The following PTPN11 variants were observed in gnomAD, a reference collection of about 807,000 sequenced individuals.
PTPN11 encodes protein tyrosine phosphatase non-receptor type 11, also known as tyrosine-protein phosphatase non-receptor type 11.
A neutral mutation model predicts 78.8 loss-of-function variants in PTPN11; 6 were observed. The observed-to-expected ratio is 0.08, with a 90% CI of 0.04 to 0.15. The LOEUF (loss-of-function observed/expected upper bound fraction) is 0.15. Among genes scored for constraint, PTPN11 ranks in the 10% least tolerant of loss-of-function variants. The pLI, the probability that PTPN11 is intolerant of heterozygous loss-of-function variation, is 1.00. For synonymous variants in PTPN11, 221 were observed against 263.5 expected, an observed-to-expected ratio of 0.84 and a Z score of 1.56; for missense variants, 386 against 744.8, an observed-to-expected ratio of 0.52 and a Z score of 5.61.
At chr12:112,441,451 C>T (rs1162411856) in intron 1 of PTPN11, among the ~76,000 whole-genome samples, 1 of 151,430 alleles carries the variant, frequency 6.6e-6, no homozygotes, top group Admixed American at 6.6e-5. Context: ...TTTGTAGAGA[C>T]AGGGTTTTGC....
intron 13 of PTPN11, 150 bp downstream of exon 13, chr12:112,489,325 A>G (rs1329686063): frequency 2.1e-6 from 2 of 949,726 alleles, no homozygotes; most frequent in South Asian, 1.3e-5. Context: ...GCCTCTGGAA[A>G]CTGTCAATTA....
intron 10 of PTPN11, among the ~76,000 whole-genome samples, chr12:112,485,958 G>A (rs1460940597): frequency 2.0e-5 from 3 of 150,786 alleles, no homozygotes; most frequent in Non-Finnish European, 2.9e-5. Flanking sequence ...TCCAGCCTGG[G>A]CAACAGAGTA....
At chr12:112,451,126 C>A (rs954682512) in intron 3 of PTPN11, among the ~76,000 whole-genome samples, 1 of 152,174 alleles carries the variant, frequency 6.6e-6, no homozygotes. Flanking sequence ...TGTACATTCC[C>A]AATCTCCTCT....
chr12:112,446,586 C>T (rs1305543879), intron 2 of PTPN11, among the ~76,000 whole-genome samples, 188 bp downstream of exon 2: 2 of 152,124 alleles, frequency 1.3e-5, no homozygotes, highest in African/African-American at 4.8e-5. Flanking sequence ...GGCCCTTCTT[C>T]TCCCTCTGAG....
rs1242290325 is a variant in PTPN11 at position 112,507,557 on chromosome 12, A to G, written c.*1765A>G. 1.3e-5 allele frequency: 2 copies of G among 152,822 alleles called. No homozygotes were observed. Among genetic ancestry groups the G allele is most frequent in the Non-Finnish European group, 2.9e-5 (2 of 68,056 alleles). 9.5% of individuals were successfully genotyped at this position (152,822 alleles called of 1,614,324 possible). On this transcript the variant is annotated 3_prime_UTR_variant, in exon 16 of 16. Coordinates refer to ENST00000351677, the MANE Select transcript of PTPN11 (RefSeq NM_002834.5). Reference sequence around the variant, plus strand: ...TGTTCTACATTAAGTGCCTTCTCCAAAGACATCCCTCTTTGCCTCATATGT... The same window carrying G: ...TGTTCTACATTAAGTGCCTTCTCCAGAGACATCCCTCTTTGCCTCATATGT...
At chr12:112,491,058 G>T (rs2038738987) in intron 13 of PTPN11, among the ~76,000 whole-genome samples, 1 of 151,972 alleles carries the variant, frequency 6.6e-6, no homozygotes, top group Non-Finnish European at 1.5e-5. Flanking sequence ...GCTAAAGAAG[G>T]ATCAGTGAAA....
intron 6 of PTPN11, 42 bp downstream of exon 6, chr12:112,456,105 C>A: frequency 7.7e-7 from 1 of 1,296,576 alleles, no homozygotes. Flanking sequence ...TTGTTATATC[C>A]TATTTTTAGT....
At chr12:112,462,894 C>G (rs760258507) in intron 6 of PTPN11, among the ~76,000 whole-genome samples, 5 of 152,080 alleles carry the variant, frequency 3.3e-5, no homozygotes, top group Admixed American at 6.6e-5. Context: ...TGTATGCATC[C>G]TGCTTTACTT....
At position 112,506,057 on chromosome 12, in the gene PTPN11, A is replaced by T. The variant is rs979134724; in HGVS notation, c.*265A>T. On this transcript the variant is annotated 3_prime_UTR_variant, in exon 16 of 16. Transcript: ENST00000351677. Reference sequence around the variant, plus strand: ...TACAATGTAGACAACATTATATTTTATAGAATTTGTTTGAAATTGAGGAAG... The same window carrying T: ...TACAATGTAGACAACATTATATTTTTTAGAATTTGTTTGAAATTGAGGAAG... 2 of 152,264 alleles carry T rather than the reference A, an allele frequency of 1.3e-5. No individual in the cohort carries two copies. Among genetic ancestry groups the T allele is most frequent in the Non-Finnish European group, 2.9e-5 (2 of 68,044 alleles). 9.4% of individuals were successfully genotyped at this position (152,264 alleles called of 1,614,324 possible). A position where few individuals can be genotyped will look rare whatever the true frequency, so the allele number is the denominator to read the frequency against.
rs1454863756 is a variant in PTPN11, at chr12:112,508,668, G to A, written c.*2876G>A. The A allele has an allele frequency of 1.3e-5, 2 of 151,982 alleles. No individual in the cohort carries two copies. The highest frequency in any genetic ancestry group is 2.4e-5 in the African/African-American group (1 of 41,354). The allele number at this position is 151,982 out of a possible 1,614,324, so 9.4% of individuals were successfully genotyped here. A position where few individuals can be genotyped will look rare whatever the true frequency, so the allele number is the denominator to read the frequency against. ...GTGAAAGAATTATCTGGCACATTAG[G>A]TATTGGAGTTTAAAAAAAAAGCCAA... is the stretch of plus-strand genomic sequence containing the variant. On this transcript the variant is annotated 3_prime_UTR_variant, in exon 16 of 16. Transcript: ENST00000351677.
rs2038968451 is a variant in PTPN11 at position 112,508,953 on chromosome 12, T to C, written c.*3161T>C. ...TTATTTTATTGGGGATTTTAAGAAC[T>C]AATAACATCTTGAGTTATTTTTAAT... On this transcript the variant is annotated 3_prime_UTR_variant, in exon 16 of 16. Coordinates refer to ENST00000351677, the MANE Select transcript of PTPN11 (RefSeq NM_002834.5). 6.6e-6 allele frequency: 1 copy of C among 152,248 alleles called. No homozygotes were observed. The highest frequency in any genetic ancestry group is 2.4e-5 in the African/African-American group (1 of 41,470). The allele number at this position is 152,248 out of a possible 1,614,324, so 9.4% of individuals were successfully genotyped here.
At chr12:112,432,601 G>A (rs986490462) in intron 1 of PTPN11, among the ~76,000 whole-genome samples, 5 of 150,902 alleles carry the variant, frequency 3.3e-5, no homozygotes, top group Admixed American at 6.6e-5. Context: ...CCCGGAAGGC[G>A]GAGGTTGCAG....
chr12:112,499,960 A>G lies in PTPN11; in HGVS notation c.1600-2184A>G, dbSNP rs932157539. Among the ~76,000 whole-genome samples, 251 of 135,006 alleles carry G rather than the reference A, an allele frequency of 1.9e-3. 1 individual carries two copies. The highest frequency in any genetic ancestry group is 6.9e-3 in the African/African-American group (245 of 35,656). The allele number at this position is 135,006 out of a possible 152,430, so 88.6% of individuals were successfully genotyped here. On this transcript the variant is annotated intron_variant, in intron 13 of 15. Transcript: ENST00000351677. ...CTGTCTCTTAAAAAAAAAAAAAAAA[A>G]AGGCCAGGCACAGTGGCTCAGGCCT...
At chr12:112,433,204 AC>A (rs914976330) in intron 1 of PTPN11, among the ~76,000 whole-genome samples, 2 of 152,132 alleles carry the variant, frequency 1.3e-5, no homozygotes, top group African/African-American at 2.4e-5. Flanking sequence ...TTTAAACTGT[AC>A]CTTTTCTATG....
chr12:112,478,038 C>G (rs747534617), intron 9 of PTPN11, 23 bp downstream of exon 9: 1 of 1,613,080 alleles, frequency 6.2e-7, no homozygotes, highest in South Asian at 1.1e-5. Context: ...AACTTCTTTT[C>G]TGCTAAACTG....
At chr12:112,431,226 C>T (rs2037707527) in intron 1 of PTPN11, among the ~76,000 whole-genome samples, 1 of 152,188 alleles carries the variant, frequency 6.6e-6, no homozygotes, top group South Asian at 2.1e-4. Context: ...AGGAACTGCT[C>T]TGTATTAACC....
intron 6 of PTPN11, among the ~76,000 whole-genome samples, chr12:112,472,255 T>C (rs886513005): frequency 3.3e-5 from 5 of 152,234 alleles, no homozygotes; most frequent in Non-Finnish European, 7.3e-5. Context: ...CTGGAGTAGC[T>C]GGGACTACAG....
intron 13 of PTPN11, among the ~76,000 whole-genome samples, chr12:112,491,421 A>G (rs1428114238): frequency 6.6e-6 from 1 of 152,228 alleles, no homozygotes; most frequent in Non-Finnish European, 1.5e-5. Flanking sequence ...TTTAAAAAGT[A>G]AAATGTTTGT....
At chr12:112,438,461 C>T (rs549471339) in intron 1 of PTPN11, among the ~76,000 whole-genome samples, 3 of 151,848 alleles carry the variant, frequency 2.0e-5, no homozygotes, top group Non-Finnish European at 4.4e-5. Flanking sequence ...GTAGCTGGGA[C>T]TACAGGAGCA....
Sources: allele counts gnomAD v4.1 joint callset (sites outside exome capture counted in the v4.1 genomes callset), GRCh38; gene constraint gnomAD v4.1.1; transcripts MANE v1.5; gene names NCBI Gene and HGNC (gene_info 2026-07-23, HGNC 2026-07-21).